HMCES: variants seen among roughly 807,000 people sequenced by gnomAD.
HMCES encodes the protein abasic site processing protein HMCES.
A neutral mutation model predicts 35.1 loss-of-function variants in HMCES; 27 were observed. That is an observed-to-expected ratio of 0.77 (90% CI 0.57 to 1.06). HMCES has a LOEUF of 1.06. HMCES is among the 50% of genes least tolerant of loss of function. HMCES has a pLI of 0.00. For synonymous variants in HMCES, 130 were observed against 154.7 expected, an observed-to-expected ratio of 0.84 and a Z score of 1.18; for missense variants, 391 against 430.4, an observed-to-expected ratio of 0.91 and a Z score of 0.81.
At chr3:129,280,479 G>T (rs1940443189) in intron 2 of HMCES, among the ~76,000 whole-genome samples, 1 of 152,134 alleles carries the variant, frequency 6.6e-6, no homozygotes, top group South Asian at 2.1e-4. Context: ...CTGGGTGACA[G>T]ATCAAGACCC....
rs2071223444 is a variant in HMCES, at chr3:129,305,559, G to A, written c.*734G>A. Reference sequence around the variant, plus strand: ...GTAGCAGAAACTATCCTTACCACAGGTGGGAAGGAAAGGACCAGTTTCTAG... The same window carrying A: ...GTAGCAGAAACTATCCTTACCACAGATGGGAAGGAAAGGACCAGTTTCTAG... On this transcript the variant is annotated 3_prime_UTR_variant, in exon 7 of 7. Coordinates refer to ENST00000383463, the MANE Select transcript of HMCES (RefSeq NM_020187.3). 6.6e-6 allele frequency: 1 copy of A among 152,352 alleles called. No homozygotes were observed. The highest frequency in any genetic ancestry group is 1.9e-4 in the East Asian group (1 of 5,188). The allele number at this position is 152,352 out of a possible 1,614,324, so 9.4% of individuals were successfully genotyped here. A position where few individuals can be genotyped will look rare whatever the true frequency, so the allele number is the denominator to read the frequency against.
At chr3:129,301,087 G>A (rs946678887) in intron 5 of HMCES, among the ~76,000 whole-genome samples, 2 of 149,442 alleles carry the variant, frequency 1.3e-5, no homozygotes, top group African/African-American at 5.0e-5. Flanking sequence ...AGCTACTCAG[G>A]AGGCTGAGGC....
At chr3:129,298,274 C>T (rs780886910) in intron 4 of HMCES, 80 bp from the exon 5 acceptor site, 16 of 1,250,206 alleles carry the variant, frequency 1.3e-5, no homozygotes, top group Admixed American at 3.6e-5. Context: ...TCCGTGCTCT[C>T]GAGTCTGAAG....
chr3:129,282,641 GAT>G (rs1199637861), intron 2 of HMCES, among the ~76,000 whole-genome samples: 5 of 152,094 alleles, frequency 3.3e-5, no homozygotes. Context: ...GATAATATTT[GAT>G]ATCTCATTTT....
intron 4 of HMCES, among the ~76,000 whole-genome samples, chr3:129,296,940 G>T (rs59683757): frequency 6.6e-6 from 1 of 152,022 alleles, no homozygotes; most frequent in African/African-American, 2.4e-5. Flanking sequence ...GGGTTTCACC[G>T]TGTTAGCCAG....
At position 129,279,753 on chromosome 3, in the gene HMCES, T is replaced by C; in HGVS notation, c.21T>C (p.Cys7=). The change falls in exon 2 of 7, where the codon TGT becomes TGC. Residue 7 remains cysteine (C), a synonymous_variant. Coordinates refer to ENST00000383463, the MANE Select transcript of HMCES (RefSeq NM_020187.3). The surrounding 1 kb of genome is among the most constrained non-coding windows in gnomAD (Gnocchi z 4.2). ...GAAGAATGTGTGGGCGAACATCCTG[T>C]CACTTACCTAGAGATGTTCTCACGA... The part of the protein sequence containing the change: MCGRTS[C]HLPRDVLTRA... 6.2e-7 allele frequency: 1 copy of C among 1,612,930 alleles called. No homozygotes were observed. The highest frequency in any genetic ancestry group is 8.5e-7 in the Non-Finnish European group (1 of 1,179,638).
intron 2 of HMCES, among the ~76,000 whole-genome samples, chr3:129,284,351 T>G (rs1270177764): frequency 6.6e-6 from 1 of 152,210 alleles, no homozygotes; most frequent in African/African-American, 2.4e-5. Flanking sequence ...GGATAAGCTT[T>G]AGTCAGGCAT....
chr3:129,284,781 AC>A (rs367849523), intron 2 of HMCES, among the ~76,000 whole-genome samples: 4 of 152,296 alleles, frequency 2.6e-5, no homozygotes, highest in African/African-American at 9.6e-5. Context: ...GCGTAGTGGC[AC>A]ATGCCTATAA....
rs183889700 is a variant in HMCES, at chr3:129,298,356, A to G, written c.456A>G (p.Ser152=). The change falls in exon 5 of 7, where the codon TCA becomes TCG. Residue 152 remains serine, a splice_region_variant and synonymous_variant. Coordinates refer to ENST00000383463, the MANE Select transcript of HMCES (RefSeq NM_020187.3). ...IYFPQIKTEK[S]GSIGAADSPE... Reference sequence around the variant, plus strand: ...CTGCCCATATATTTTGCTTCCAGTCAGGTAGCATTGGTGCTGCAGATAGTC... The same window carrying G: ...CTGCCCATATATTTTGCTTCCAGTCGGGTAGCATTGGTGCTGCAGATAGTC... 22 of 1,614,164 alleles carry G rather than the reference A, an allele frequency of 1.4e-5. No individual in the cohort carries two copies. The East Asian group carries it at 4.9e-4, about 36-fold the overall frequency.
chr3:129,296,425 C>T (rs1471809178), intron 4 of HMCES, among the ~76,000 whole-genome samples: 1 of 152,162 alleles, frequency 6.6e-6, no homozygotes, highest in Non-Finnish European at 1.5e-5. Flanking sequence ...GCTAACGTTC[C>T]TTATCTGTTC....
chr3:129,292,654 G>A (rs1006924406), intron 4 of HMCES, among the ~76,000 whole-genome samples: 3 of 151,586 alleles, frequency 2.0e-5, no homozygotes, highest in Non-Finnish European at 2.9e-5. Context: ...CACCAGGCCC[G>A]GCTAATTTTT....
At chr3:129,282,295 C>CAAAAAAAAAA (rs201242976) in intron 2 of HMCES, among the ~76,000 whole-genome samples, 2 of 91,062 alleles carry the variant, frequency 2.2e-5, no homozygotes, top group African/African-American at 7.0e-5. Flanking sequence ...CTGTTTTTAA[C>CAAAAAAAAAA]AAAAAAAAAA....
chr3:129,284,597 G>A (rs1940584674), intron 2 of HMCES, among the ~76,000 whole-genome samples: 1 of 152,140 alleles, frequency 6.6e-6, no homozygotes, highest in Non-Finnish European at 1.5e-5. Context: ...TCAACTGTTT[G>A]TGTGTATATA....
At position 129,290,699 on chromosome 3, in the gene HMCES, A is replaced by G; in HGVS notation, c.348A>G (p.Arg116=). 1 of 1,613,530 alleles carries G rather than the reference A, an allele frequency of 6.2e-7. No homozygotes were observed. Among genetic ancestry groups the G allele is most frequent in the South Asian group, 1.1e-5 (1 of 91,072 alleles). Residue 116 remains arginine, a synonymous_variant, in exon 4 of 7, where the codon AGA becomes AGG. Transcript: ENST00000383463. Reference sequence around the variant, plus strand: ...CTCAGGTGCCTCTGGGAAAGGGAAGACGCTGTGTCGTTTTAGCAGATGGAT... The same window carrying G: ...CTCAGGTGCCTCTGGGAAAGGGAAGGCGCTGTGTCGTTTTAGCAGATGGAT... ...RSFKVPLGKG[R]RCVVLADGFY...
intron 2 of HMCES, among the ~76,000 whole-genome samples, chr3:129,284,257 T>C (rs1237312228): frequency 6.6e-6 from 1 of 152,196 alleles, no homozygotes; most frequent in East Asian, 1.9e-4. Context: ...TTTAAAATGA[T>C]CCCAAGCATA....
intron 3 of HMCES, 78 bp from the exon 4 acceptor site, chr3:129,290,601 T>G (rs2071001326): frequency 6.6e-7 from 1 of 1,509,292 alleles, no homozygotes; most frequent in Admixed American, 1.8e-5. Flanking sequence ...AGATTTTAAT[T>G]CAAGTTCTCC....
chr3:129,296,760 G>C, intron 4 of HMCES, among the ~76,000 whole-genome samples: 2 of 152,142 alleles, frequency 1.3e-5, no homozygotes, highest in Non-Finnish European at 2.9e-5. Context: ...CAGTGCCTTT[G>C]TTTTGTTTTT....
At chr3:129,285,084 G>A (rs540689613) in intron 2 of HMCES, among the ~76,000 whole-genome samples, 1 of 152,140 alleles carries the variant, frequency 6.6e-6, no homozygotes, top group Admixed American at 6.5e-5. Flanking sequence ...GACTTTCTTC[G>A]TTCTACTTTT....
chr3:129,300,994 G>C (rs1308174852), intron 5 of HMCES, among the ~76,000 whole-genome samples: 1 of 147,628 alleles, frequency 6.8e-6, no homozygotes, highest in Non-Finnish European at 1.5e-5. Context: ...TCATGCCATT[G>C]AACTCCAGCC....
Sources: allele counts gnomAD v4.1 joint callset (sites outside exome capture counted in the v4.1 genomes callset), GRCh38; gene constraint gnomAD v4.1.1; non-coding constraint Gnocchi (gnomAD v3.1); transcripts MANE v1.5; gene names NCBI Gene and HGNC (gene_info 2026-07-23, HGNC 2026-07-21).